The following NBAS variants were observed in gnomAD, a reference collection of about 807,000 sequenced individuals.
The protein encoded by NBAS is NAG/BC035112 fusion.
Under a neutral mutation model 302.5 loss-of-function variants are expected in NBAS, and 219 were observed. The ratio of observed to expected loss-of-function variants is 0.72; its 90% confidence interval spans 0.65 to 0.81. The LOEUF is 0.81. Ranked by LOEUF, NBAS falls within the 30% of genes least tolerant of loss-of-function variation. The pLI is 0.00. For synonymous variants in NBAS, 1,118 were observed against 1,021.6 expected, an observed-to-expected ratio of 1.09 and a Z score of -1.80; for missense variants, 2,932 against 2,841.6, an observed-to-expected ratio of 1.03 and a Z score of -0.72.
intron 21 of NBAS, among the ~76,000 whole-genome samples, chr2:15,429,051 A>AG (rs56783098): frequency 0.013 from 1,880 of 148,024 alleles, 35 homozygotes; most frequent in East Asian, 0.06. Context: ...AAAAAAAAAA[A>AG]GAATAAATTT....
intron 12 of NBAS, among the ~76,000 whole-genome samples, chr2:15,486,056 G>C (rs1051671235): frequency 3.9e-5 from 6 of 152,156 alleles, no homozygotes; most frequent in Non-Finnish European, 8.8e-5. Flanking sequence ...GGAAAGGGAG[G>C]GGTGGCCGAC....
At chr2:15,145,457 G>A in the NBAS span, among the ~76,000 whole-genome samples, 1 of 151,770 alleles carries the variant, frequency 6.6e-6, no homozygotes, top group East Asian at 1.9e-4. Context: ...TGTATGGTGG[G>A]TGATTTATAA....
the NBAS span, among the ~76,000 whole-genome samples, chr2:14,841,031 A>G: frequency 1.3e-5 from 2 of 152,048 alleles, no homozygotes; most frequent in African/African-American, 4.8e-5. Flanking sequence ...AAAAGTAAAA[A>G]TGTAGGGGGA....
chr2:15,124,948 T>G, the NBAS span, among the ~76,000 whole-genome samples: 1 of 152,150 alleles, frequency 6.6e-6, no homozygotes, highest in Non-Finnish European at 1.5e-5. Context: ...AATGTGGGGT[T>G]GGAGCCCACA....
the NBAS span, among the ~76,000 whole-genome samples, chr2:14,974,011 G>A: frequency 2.6e-5 from 4 of 152,056 alleles, no homozygotes; most frequent in Non-Finnish European, 5.9e-5. Flanking sequence ...GCCAACTCTC[G>A]CCAAGAATAT....
the NBAS span, among the ~76,000 whole-genome samples, chr2:15,106,036 G>T: frequency 6.6e-6 from 1 of 152,124 alleles, no homozygotes; most frequent in Non-Finnish European, 1.5e-5. Flanking sequence ...GATGGCTTTG[G>T]ATACTATTAA....
rs770680447 is a variant in NBAS at position 15,461,761 on chromosome 2, G to C, written c.2128C>G (p.Gln710Glu). Residue 710 changes from glutamine (Q) to glutamate (E), a missense_variant, in exon 20 of 52, where the codon CAG becomes GAG. Transcript: ENST00000281513. The stretch of plus-strand genomic sequence containing the variant: ...TTAAAGAATTCAGCATCATATCTCT[G>C]TTCAGATGCATGAGGCACTCCTAGG... ...EILGVPHASE[Q>E]RYDAEFFKKF... The C allele has an allele frequency of 1.9e-6, 3 of 1,606,802 alleles. No homozygotes were observed. In the South Asian group the frequency reaches 3.3e-5, roughly 18 times the overall value.
At chr2:15,002,180 C>G in the NBAS span, among the ~76,000 whole-genome samples, 2 of 151,786 alleles carry the variant, frequency 1.3e-5, no homozygotes, top group Non-Finnish European at 2.9e-5. Context: ...ATTCACAAAC[C>G]CTGAGATAGA....
chr2:14,976,043 C>G, the NBAS span, among the ~76,000 whole-genome samples: 1 of 152,204 alleles, frequency 6.6e-6, no homozygotes, highest in African/African-American at 2.4e-5. Flanking sequence ...GAACAATAAA[C>G]AGCACTACAC....
chr2:15,097,794 C>A, the NBAS span, among the ~76,000 whole-genome samples: 1 of 149,340 alleles, frequency 6.7e-6, no homozygotes, highest in African/African-American at 2.5e-5. Flanking sequence ...GGGGACACCC[C>A]AGATTACTCT....
chr2:14,845,905 C>A, the NBAS span, among the ~76,000 whole-genome samples: 1 of 149,904 alleles, frequency 6.7e-6, no homozygotes, highest in African/African-American at 2.5e-5. Context: ...AGCAAGCCTA[C>A]AAGATTGAAA....
intron 42 of NBAS, among the ~76,000 whole-genome samples, chr2:15,278,285 T>C (rs1669675588): frequency 6.6e-6 from 1 of 152,210 alleles, no homozygotes; most frequent in African/African-American, 2.4e-5. Context: ...AGAAAAACCT[T>C]ATTTTTCCAT....
At chr2:15,247,720 A>ATCTATATG (rs1256157366) in intron 44 of NBAS, among the ~76,000 whole-genome samples, 24 of 146,858 alleles carry the variant, frequency 1.6e-4, no homozygotes, top group Non-Finnish European at 1.7e-4. Context: ...ATATCTATAT[A>ATCTATATG]TACCTCTATC....
In NBAS at chr2:15,354,786, A is replaced by T. The variant is rs114462345; in HGVS notation, c.3932-1076T>A. Among the ~76,000 whole-genome samples the T allele has an allele frequency of 5.4e-3, 817 of 152,312 alleles. 9 individuals are homozygous for T. The highest frequency in any genetic ancestry group is 0.018 in the African/African-American group (749 of 41,568). On this transcript the variant is annotated intron_variant, in intron 33 of 51. Coordinates refer to ENST00000281513, the MANE Select transcript of NBAS (RefSeq NM_015909.4). Reference sequence around the variant, plus strand: ...CCAGCCTTGCTAGGCTGCATACTCCAGTTTTAGCAAAAATCCTACTAAGTC... The same window carrying T: ...CCAGCCTTGCTAGGCTGCATACTCCTGTTTTAGCAAAAATCCTACTAAGTC...
At chr2:14,939,324 A>G in the NBAS span, among the ~76,000 whole-genome samples, 8 of 152,174 alleles carry the variant, frequency 5.3e-5, no homozygotes, top group Admixed American at 5.2e-4. Flanking sequence ...CTGTTTTATC[A>G]CTTGTCTTTT....
chr2:15,262,719 T>C (rs1446124574), intron 44 of NBAS, among the ~76,000 whole-genome samples: 1 of 152,192 alleles, frequency 6.6e-6, no homozygotes, highest in Non-Finnish European at 1.5e-5. Flanking sequence ...TCTATGTTCA[T>C]TTAAAATTGT....
intron 10 of NBAS, among the ~76,000 whole-genome samples, chr2:15,509,127 G>A (rs1054780850): frequency 1.3e-5 from 2 of 152,212 alleles, no homozygotes; most frequent in Admixed American, 6.5e-5. Flanking sequence ...TAATATGTAC[G>A]AGTAACTTCT....
chr2:14,998,280 G>A, the NBAS span, among the ~76,000 whole-genome samples: 58 of 152,306 alleles, frequency 3.8e-4, no homozygotes, highest in Non-Finnish European at 4.3e-4. Context: ...GATTACTTAA[G>A]AGATGTGCCC....
At chr2:15,482,817 T>G (rs1348248095) in intron 12 of NBAS, among the ~76,000 whole-genome samples, 1 of 152,202 alleles carries the variant, frequency 6.6e-6, no homozygotes, top group Admixed American at 6.5e-5. Flanking sequence ...AATCATTTGT[T>G]TTTAAATAAA....
Sources: gnomAD v4.1 joint callset for allele counts (sites outside exome capture counted in the v4.1 genomes callset) on GRCh38, gnomAD v4.1.1 for gene constraint, MANE v1.5 for transcripts, NCBI Gene and HGNC (gene_info 2026-07-23, HGNC 2026-07-21) for gene names.